Variants in MDGA2 observed in about 807,000 individuals in gnomAD.
The protein encoded by MDGA2 is MAM domain containing glycosylphosphatidylinositol anchor 2.
Under a neutral mutation model 117.8 loss-of-function variants are expected in MDGA2, and 40 were observed. That is an observed-to-expected ratio of 0.34 (90% CI 0.26 to 0.44). MDGA2 has a LOEUF of 0.44. MDGA2 is among the 20% of genes least tolerant of loss of function. MDGA2 has a pLI of 1.00. For missense variants in MDGA2, 1,123 were observed against 1,250.6 expected, an observed-to-expected ratio of 0.90 and a Z score of 1.54; for synonymous variants, 452 against 439.0, an observed-to-expected ratio of 1.03 and a Z score of -0.37.
At chr14:46,964,642 C>T (rs982992282) in intron 8 of MDGA2, among the ~76,000 whole-genome samples, 11 of 152,110 alleles carry the variant, frequency 7.2e-5, no homozygotes, top group African/African-American at 2.7e-4. Flanking sequence ...AATTTAATAG[C>T]TCACAGGTAG....
intron 1 of MDGA2, among the ~76,000 whole-genome samples, chr14:47,334,020 G>A (rs576886793): frequency 1.3e-5 from 2 of 151,624 alleles, no homozygotes; most frequent in African/African-American, 4.8e-5. Context: ...CTCTCAACAG[G>A]GATGATAATG....
At chr14:47,067,437 G>T (rs754767588) in intron 6 of MDGA2, among the ~76,000 whole-genome samples, 3 of 152,102 alleles carry the variant, frequency 2.0e-5, no homozygotes, top group African/African-American at 7.2e-5. Flanking sequence ...AATCAGCAAG[G>T]TGTGACTCTC....
At position 47,638,377 on chromosome 14, in the gene MDGA2, A is replaced by T. The variant is rs1039553573; in HGVS notation, c.280+36140T>A. On this transcript the variant is annotated intron_variant, in intron 1 of 16. Transcript: ENST00000399232. ...ACCTAGAGTAATTTGTGCACCTCAA[A>T]CAAAAACTGCCTCTCCATCCTTACT... Among the ~76,000 whole-genome samples, 10 of 152,242 alleles carry T rather than the reference A, an allele frequency of 6.6e-5. 1 individual carries two copies. In the East Asian group the frequency reaches 1.9e-3, roughly 29 times the overall value.
chr14:47,604,356 A>C (rs887304459), intron 1 of MDGA2, among the ~76,000 whole-genome samples: 4 of 151,312 alleles, frequency 2.6e-5, no homozygotes. Flanking sequence ...TTGCTCTGTC[A>C]CCCAGGCTGG....
At chr14:47,124,657 G>C (rs1284315141) in intron 5 of MDGA2, among the ~76,000 whole-genome samples, 1 of 152,022 alleles carries the variant, frequency 6.6e-6, no homozygotes, top group East Asian at 1.9e-4. Flanking sequence ...TTTGGAGATA[G>C]GGCTTTTACA....
intron 16 of MDGA2, among the ~76,000 whole-genome samples, chr14:46,842,770 G>A (rs1880670758): frequency 6.6e-6 from 1 of 152,142 alleles, no homozygotes; most frequent in South Asian, 2.1e-4. Context: ...AATTGAGTTT[G>A]AAAATTGAGA....
Position 47,102,076 on chromosome 14 carries a change from T to C in MDGA2, c.926-4953A>G, listed in dbSNP as rs1880354980. Reference sequence around the variant, plus strand: ...CTAACATAATAGGTAAATATGAAGATAAGCATCCTTTTTAAAATCTGAAAG... The same window carrying C: ...CTAACATAATAGGTAAATATGAAGACAAGCATCCTTTTTAAAATCTGAAAG... On this transcript the variant is annotated intron_variant, in intron 5 of 16. Transcript: ENST00000399232. Among the ~76,000 whole-genome samples, 10 of 152,276 alleles carry C rather than the reference T, an allele frequency of 6.6e-5. 1 individual carries two copies. The South Asian group carries it at 1.7e-3, about 25-fold the overall frequency.
At chr14:47,605,454 A>C (rs1896725445) in intron 1 of MDGA2, among the ~76,000 whole-genome samples, 1 of 152,226 alleles carries the variant, frequency 6.6e-6, no homozygotes. Flanking sequence ...TGGATGACTC[A>C]GCTGGTAAAC....
chr14:47,343,284 G>GT, intron 1 of MDGA2: 1 of 1,131,116 alleles, frequency 8.8e-7, no homozygotes, highest in Non-Finnish European at 1.1e-6. Context: ...GGAAGGCAAT[G>GT]TTAACTAAGT....
intron 7 of MDGA2, among the ~76,000 whole-genome samples, chr14:47,055,451 T>C (rs1174303866): frequency 6.6e-6 from 1 of 152,104 alleles, no homozygotes; most frequent in Non-Finnish European, 1.5e-5. Flanking sequence ...ATGGAACTCT[T>C]GCTGACTAGA....
At chr14:47,018,727 T>C in intron 8 of MDGA2, among the ~76,000 whole-genome samples, 1 of 58,806 alleles carries the variant, frequency 1.7e-5, no homozygotes, top group East Asian at 3.6e-4. Flanking sequence ...CTCAAGCCAT[T>C]TTACTGAAAA....
At chr14:47,453,205 C>T (rs577326178) in intron 1 of MDGA2, among the ~76,000 whole-genome samples, 85 of 151,882 alleles carry the variant, frequency 5.6e-4, no homozygotes, top group Middle Eastern at 3.4e-3. Flanking sequence ...TAAAGGCTAC[C>T]TTTTCAAGTA....
chr14:47,350,532 G>C (rs1328478738), intron 1 of MDGA2, among the ~76,000 whole-genome samples: 1 of 152,186 alleles, frequency 6.6e-6, no homozygotes, highest in African/African-American at 2.4e-5. Flanking sequence ...TGTTCAAAAT[G>C]AATTGGTCAT....
At chr14:47,397,269 G>T (rs1892033092) in intron 1 of MDGA2, among the ~76,000 whole-genome samples, 1 of 152,124 alleles carries the variant, frequency 6.6e-6, no homozygotes, top group East Asian at 1.9e-4. Context: ...TCATAAGTGG[G>T]AGTTGAACAA....
At chr14:47,037,905 C>T (rs111594094) in intron 7 of MDGA2, among the ~76,000 whole-genome samples, 233 of 152,256 alleles carry the variant, frequency 1.5e-3, no homozygotes, top group African/African-American at 5.2e-3. Flanking sequence ...CCAACCAAAA[C>T]ACCGTCTGTA....
intron 2 of MDGA2, among the ~76,000 whole-genome samples, chr14:47,274,992 C>T (rs1477493972): frequency 6.6e-6 from 1 of 151,778 alleles, no homozygotes; most frequent in Non-Finnish European, 1.5e-5. Flanking sequence ...TTTACAAATA[C>T]CTTCTCCCAT....
intron 2 of MDGA2, among the ~76,000 whole-genome samples, chr14:47,294,650 G>A (rs1185752127): frequency 6.6e-6 from 1 of 151,606 alleles, no homozygotes; most frequent in Non-Finnish European, 1.5e-5. Flanking sequence ...ACATTAATTG[G>A]AGATAAATCC....
At chr14:47,665,343 C>A (rs537136018) in intron 1 of MDGA2, among the ~76,000 whole-genome samples, 3 of 152,146 alleles carry the variant, frequency 2.0e-5, no homozygotes, top group Non-Finnish European at 4.4e-5. Flanking sequence ...CATGCATAAC[C>A]TCTTTGATTT....
intron 1 of MDGA2, among the ~76,000 whole-genome samples, chr14:47,429,480 T>C (rs978899610): frequency 6.6e-6 from 1 of 152,132 alleles, no homozygotes; most frequent in African/African-American, 2.4e-5. Context: ...GTCTTTTCCA[T>C]GGCATTCTTC....
Sources: gnomAD v4.1 joint callset for allele counts (sites outside exome capture counted in the v4.1 genomes callset) on GRCh38, gnomAD v4.1.1 for gene constraint, MANE v1.5 for transcripts, NCBI Gene and HGNC (gene_info 2026-07-23, HGNC 2026-07-21) for gene names.